The following DMD variants were observed in gnomAD, a reference collection of about 807,000 sequenced individuals.
DMD encodes mutant dystrophin.
In DMD, 63 loss-of-function variants were observed where a neutral mutation model predicts 330.1. That is an observed-to-expected ratio of 0.19 (90% CI 0.16 to 0.24). The LOEUF is 0.24. Ranked by LOEUF, DMD falls within the 10% of genes least tolerant of loss-of-function variation. The pLI, the probability that DMD is intolerant of heterozygous loss-of-function variation, is 1.00. For synonymous variants in DMD, 1,223 were observed against 959.8 expected (o/e 1.27, Z -5.07); for missense variants, 3,344 against 2,684.1 (o/e 1.25, Z -5.43).
intron 59 of DMD, among the ~76,000 whole-genome samples, chrX:31,457,797 G>C (rs763848882): frequency 1.2e-4 from 13 of 111,411 alleles, no homozygotes; most frequent in Non-Finnish European, 2.1e-4. Flanking sequence ...AAACAAAATG[G>C]ATTTTTACTG....
At chrX:31,223,979 C>T in intron 63 of DMD, among the ~76,000 whole-genome samples, 1 of 111,872 alleles carries the variant, frequency 8.9e-6, no homozygotes. Context: ...GTGGTTTCTG[C>T]AGTCACCGGT....
chrX:32,486,692 C>T (rs758088230), intron 20 of DMD, among the ~76,000 whole-genome samples: 22 of 105,573 alleles, frequency 2.1e-4, no homozygotes, highest in South Asian at 4.4e-4. Context: ...TCAGAAATAA[C>T]GCCGCATACC....
intron 52 of DMD, among the ~76,000 whole-genome samples, chrX:31,693,979 A>C (rs1250676723): frequency 8.9e-6 from 1 of 111,905 alleles, no homozygotes; most frequent in Non-Finnish European, 1.9e-5. Context: ...AAAAAGAATA[A>C]AATTGGAAGT....
At chrX:32,915,735 G>A (rs772333451) in intron 2 of DMD, among the ~76,000 whole-genome samples, 1 of 111,966 alleles carries the variant, frequency 8.9e-6, no homozygotes, top group South Asian at 3.7e-4. Context: ...TCATTTCATG[G>A]AGTAAGTATT....
intron 43 of DMD, among the ~76,000 whole-genome samples, chrX:32,255,798 T>A (rs1425751335): frequency 8.9e-6 from 1 of 111,920 alleles, no homozygotes; most frequent in African/African-American, 3.2e-5. Context: ...TTATTTTACT[T>A]CTTTATATGC....
chrX:33,201,550 T>C (rs1208975899), intron 1 of DMD, among the ~76,000 whole-genome samples: 1 of 111,589 alleles, frequency 9.0e-6, no homozygotes, highest in Non-Finnish European at 1.9e-5. Flanking sequence ...ATAGTCCACG[T>C]TACTGGTACA....
chrX:33,119,340 G>T (rs1395112099), intron 1 of DMD, among the ~76,000 whole-genome samples: 1 of 112,317 alleles, frequency 8.9e-6, no homozygotes, highest in East Asian at 2.8e-4. Context: ...CTTTGCTAAG[G>T]CATCAGATGA....
chrX:32,762,072 A>T (rs762508494), intron 7 of DMD, among the ~76,000 whole-genome samples: 1 of 108,343 alleles, frequency 9.2e-6, no homozygotes, highest in Non-Finnish European at 1.9e-5. Context: ...AATCATTTGA[A>T]CCTAGGAGGC....
intron 7 of DMD, chrX:32,756,548 G>A (rs1210688644): frequency 4.5e-5 from 5 of 110,940 alleles, no homozygotes; most frequent in African/African-American, 6.6e-5. Flanking sequence ...TATGTCTTAC[G>A]CATCTAGTTT....
chrX:32,368,326 A>AT (rs200730075), intron 34 of DMD, among the ~76,000 whole-genome samples: 2,983 of 109,410 alleles, frequency 0.027, 112 homozygotes, highest in African/African-American at 0.093. Context: ...AAAAAATCAC[A>AT]TTTTTTTTTG....
chrX:31,547,595 T>G (rs1353525326), intron 55 of DMD, among the ~76,000 whole-genome samples: 2 of 111,852 alleles, frequency 1.8e-5, no homozygotes, highest in East Asian at 5.6e-4. Flanking sequence ...ACTAGGGACC[T>G]CCTAGTGCAT....
intron 12 of DMD, among the ~76,000 whole-genome samples, chrX:32,610,104 C>A (rs1043255288): frequency 1.8e-5 from 2 of 111,408 alleles, no homozygotes; most frequent in African/African-American, 3.2e-5. Flanking sequence ...TTGTCAACAT[C>A]ACTAATAAAT....
chrX:31,885,650 C>T lies in DMD; in HGVS notation c.6913-10277G>A, dbSNP rs200037706. On this transcript the variant is annotated intron_variant, in intron 47 of 78. Transcript: ENST00000357033. The stretch of plus-strand genomic sequence containing the variant: ...AAAAAAAAAAAAAGAAAAAAAAAGA[C>T]ATCATTTGATAAATGGATCTATTTA... 6.0e-5 allele frequency among the ~76,000 whole-genome samples: 5 copies of T among 82,938 alleles called. No individual in the cohort carries two copies. The East Asian group carries it at 1.3e-3, about 21-fold the overall frequency. The allele number at this position is 82,938 out of a possible 115,157, so 72.0% of individuals were successfully genotyped here.
chrX:33,001,704 C>A (rs2147423695), intron 2 of DMD, among the ~76,000 whole-genome samples: 1 of 101,218 alleles, frequency 9.9e-6, no homozygotes, highest in Admixed American at 1.1e-4. Context: ...TAAAGAAAAA[C>A]AAAACCAAAG....
chrX:31,904,015 T>C (rs1159959353), intron 47 of DMD, among the ~76,000 whole-genome samples: 1 of 111,519 alleles, frequency 9.0e-6, no homozygotes, highest in Non-Finnish European at 1.9e-5. Context: ...ATGAGAAGCT[T>C]TGCATTAAAA....
chrX:31,337,612 A>G (rs1333275203), intron 61 of DMD, among the ~76,000 whole-genome samples: 1 of 112,416 alleles, frequency 8.9e-6, no homozygotes, highest in Non-Finnish European at 1.9e-5. Context: ...TATTTTGGAC[A>G]GATGACAAAA....
chrX:33,046,944 T>C (rs950216962), intron 1 of DMD, among the ~76,000 whole-genome samples: 4 of 112,241 alleles, frequency 3.6e-5, no homozygotes, highest in African/African-American at 1.3e-4. Context: ...AGAGAGAATA[T>C]AGTTTGTCAA....
At chrX:32,483,820 C>CAA (rs770119472) in intron 21 of DMD, among the ~76,000 whole-genome samples, 1,569 of 37,238 alleles carry the variant, frequency 0.042, 175 homozygotes, top group East Asian at 0.11. Flanking sequence ...CTCTGAAGTA[C>CAA]AAAAAAAAAA....
chrX:32,452,283 GAAAGGAAAGGA>G (rs1187123791), intron 26 of DMD, among the ~76,000 whole-genome samples: 1 of 46,721 alleles, frequency 2.1e-5, no homozygotes, highest in Non-Finnish European at 4.5e-5. Flanking sequence ...CAATGGAAAA[GAAAGGAAAGGA>G]AAAGGAAAGG....
Sources: gnomAD v4.1 joint callset for allele counts (sites outside exome capture counted in the v4.1 genomes callset) on GRCh38, gnomAD v4.1.1 for gene constraint, MANE v1.5 for transcripts, NCBI Gene and HGNC (gene_info 2026-07-23, HGNC 2026-07-21) for gene names.